Variants in NBL1 observed in about 807,000 individuals in gnomAD.
NBL1 encodes NBL1, DAN family BMP antagonist.
In NBL1, 9 loss-of-function variants were observed where a neutral mutation model predicts 16.0. The ratio of observed to expected loss-of-function variants is 0.56; its 90% CI spans 0.34 to 0.98. The LOEUF (loss-of-function observed/expected upper bound fraction) is 0.98. Ranked by LOEUF, NBL1 falls within the 50% of genes least tolerant of loss-of-function variation. The pLI, the probability that NBL1 is intolerant of heterozygous loss-of-function variation, is 0.02. For synonymous variants in NBL1, 86 were observed against 100.7 expected (o/e 0.85, Z 0.87); for missense variants, 196 against 243.1 (o/e 0.81, Z 1.29).
In NBL1 at chr1:19,657,084, C is replaced by A; in HGVS notation, c.501C>A (p.Asp167Glu). 2 of 1,520,732 alleles carry A rather than the reference C, an allele frequency of 1.3e-6. No individual in the cohort carries two copies. The highest frequency in any genetic ancestry group is 1.8e-6 in the Non-Finnish European group (2 of 1,128,886). 94.2% of individuals were successfully genotyped at this position (1,520,732 alleles called of 1,614,324 possible). The change falls in exon 4 of 4, where the codon GAC becomes GAA. Residue 167 changes from aspartate (D) to glutamate (E), a missense_variant. Transcript: ENST00000375136. ...GCGGGCAGACCCCTGAGCCCGAGGA[C>A]CCCCCTGGGGCCCCCCACACAGAGG... ...HPGGQTPEPE[D>E]PPGAPHTEEE...
chr1:19,647,878 T>TGCGCGC (rs1330457384), intron 1 of NBL1, among the ~76,000 whole-genome samples: 13 of 144,516 alleles, frequency 9.0e-5, no homozygotes, highest in Admixed American at 6.1e-4. Flanking sequence ...TGTGTGTGTG[T>TGCGCGC]GTGTGCGTGT....
chr1:19,655,041 G>A lies in NBL1; in HGVS notation c.11G>A (p.Arg4Gln), dbSNP rs780413916. The change falls in exon 2 of 4, where the codon CGG becomes CAG. Residue 4 changes from arginine (R) to glutamine (Q), a missense_variant. Physicochemically the swap from Arg to Gln is conservative, Grantham distance 43 (BLOSUM62 1). Transcript: ENST00000375136. ...CTGGAGGCCACGGGCATGATGCTTC[G>A]GGTCCTGGTGGGGGCTGTCCTCCCT... is the stretch of plus-strand genomic sequence containing the variant. The part of the protein sequence containing the change: MML[R>Q]VLVGAVLPAM... The A allele has an allele frequency of 1.1e-5, 17 of 1,608,910 alleles. No individual in the cohort carries two copies. In the South Asian group the frequency reaches 1.1e-4, roughly 10 times the overall value.
chr1:19,653,977 T>C (rs2095042291), intron 1 of NBL1, among the ~76,000 whole-genome samples: 1 of 152,134 alleles, frequency 6.6e-6, no homozygotes, highest in Non-Finnish European at 1.5e-5. Flanking sequence ...TTGACTCACG[T>C]GTTAGAATGG....
At chr1:19,644,229 T>C, upstream of NBL1, 1 of 975,932 alleles carries the variant, frequency 1.0e-6, no homozygotes, top group Non-Finnish European at 1.2e-6. The surrounding 1 kb of genome is among the most constrained non-coding windows in gnomAD (Gnocchi z 4.6). Context: ...CCCTCCCCGC[T>C]GCCCCCGCCC....
At chr1:19,647,096 G>C (rs531663542) in intron 1 of NBL1, among the ~76,000 whole-genome samples, 179 of 152,316 alleles carry the variant, frequency 1.2e-3, no homozygotes, top group African/African-American at 4.1e-3. Flanking sequence ...CAGTTTAATT[G>C]TCACAGCTGT....
At position 19,644,755 on chromosome 1, in the gene NBL1, G is replaced by A. The variant is rs1342734416; in HGVS notation, c.-20+309G>A. Among the ~76,000 whole-genome samples, 4 of 151,866 alleles carry A rather than the reference G, an allele frequency of 2.6e-5. No individual in the cohort carries two copies. The highest frequency in any genetic ancestry group is 5.9e-5 in the Non-Finnish European group (4 of 67,914). Reference sequence around the variant, plus strand: ...TTTCCGCGGCCGGGGGAGAGAGGGAGCGAGGGAGGGAGATGCGTGGCCGGG... The same window carrying A: ...TTTCCGCGGCCGGGGGAGAGAGGGAACGAGGGAGGGAGATGCGTGGCCGGG... On this transcript the variant is annotated intron_variant, in intron 1 of 3. Transcript: ENST00000375136. The surrounding 1 kb of genome is among the most constrained non-coding windows in gnomAD (Gnocchi z 4.6).
chr1:19,654,199 C>T (rs1558366077), intron 1 of NBL1, among the ~76,000 whole-genome samples: 2 of 152,234 alleles, frequency 1.3e-5, no homozygotes, highest in South Asian at 4.1e-4. Flanking sequence ...CGCTTGAGCC[C>T]CAGGAGTTTG....
chr1:19,647,249 C>A (rs1028628250), intron 1 of NBL1, among the ~76,000 whole-genome samples: 1 of 152,044 alleles, frequency 6.6e-6, no homozygotes, highest in African/African-American at 2.4e-5. Flanking sequence ...CAAAGGGAGA[C>A]CTTGTCTCTT....
intron 1 of NBL1, among the ~76,000 whole-genome samples, chr1:19,651,839 G>A (rs747875376): frequency 2.0e-5 from 3 of 152,098 alleles, no homozygotes; most frequent in South Asian, 2.1e-4. Flanking sequence ...GACTACAGGT[G>A]CACATCACAA....
intron 1 of NBL1, chr1:19,646,112 C>T (rs982453361): frequency 1.3e-6 from 2 of 1,493,258 alleles, no homozygotes; most frequent in Admixed American, 2.0e-5. Context: ...GCCTGGGTGG[C>T]ACGGGGTCGG....
In NBL1 at chr1:19,657,116, G is replaced by A; in HGVS notation, c.533G>A (p.Gly178Glu). The change falls in exon 4 of 4, where the codon GGG becomes GAG. Residue 178 changes from glycine (G) to glutamate (E), a missense_variant. Transcript: ENST00000375136. The stretch of plus-strand genomic sequence containing the variant: ...GGGGCCCCCCACACAGAGGAAGAGG[G>A]GGCTGAGGACTGAGGCCCCCCCAAC... ...PPGAPHTEEE[G>E]AED The A allele has an allele frequency of 6.9e-7, 1 of 1,454,072 alleles. No homozygotes were observed. The highest frequency in any genetic ancestry group is 1.3e-5 in the South Asian group (1 of 74,964). The allele number at this position is 1,454,072 out of a possible 1,614,324, so 90.1% of individuals were successfully genotyped here.
At chr1:19,654,670 C>T (rs1025928066) in intron 1 of NBL1, among the ~76,000 whole-genome samples, 1 of 152,042 alleles carries the variant, frequency 6.6e-6, no homozygotes, top group Non-Finnish European at 1.5e-5. Flanking sequence ...ACCATCTCCC[C>T]TTTTTAGATG....
intron 1 of NBL1, among the ~76,000 whole-genome samples, chr1:19,649,214 C>G (rs941957382): frequency 3.3e-5 from 5 of 152,070 alleles, no homozygotes; most frequent in Non-Finnish European, 7.4e-5. Context: ...TTCTTGGCCT[C>G]TCTGTGCCTC....
At chr1:19,648,659 G>T (rs1158469884) in intron 1 of NBL1, among the ~76,000 whole-genome samples, 5 of 152,124 alleles carry the variant, frequency 3.3e-5, no homozygotes, top group African/African-American at 1.2e-4. Flanking sequence ...GTGCCAAAAT[G>T]GGTCTGCTGT....
chr1:19,650,411 G>C (rs1349488714), intron 1 of NBL1, among the ~76,000 whole-genome samples: 3 of 152,206 alleles, frequency 2.0e-5, no homozygotes, highest in Non-Finnish European at 4.4e-5. Context: ...CTCCCCTCAG[G>C]GGAGTGTCTG....
chr1:19,645,004 C>T (rs754493530), intron 1 of NBL1, among the ~76,000 whole-genome samples: 171 of 152,326 alleles, frequency 1.1e-3, no homozygotes, highest in Non-Finnish European at 2.1e-3. Context: ...GTGTCTCTGC[C>T]TCTGGCTTTT....
intron 1 of NBL1, among the ~76,000 whole-genome samples, chr1:19,653,083 C>G (rs948927303): frequency 6.6e-6 from 1 of 151,486 alleles, no homozygotes; most frequent in Admixed American, 6.6e-5. Context: ...GTCAGGAGAT[C>G]GAGACCATCC....
chr1:19,651,349 C>G (rs1570558923), intron 1 of NBL1, among the ~76,000 whole-genome samples: 1 of 152,204 alleles, frequency 6.6e-6, no homozygotes, highest in Non-Finnish European at 1.5e-5. Context: ...TCTGTGGACA[C>G]AGCTGGCCCT....
chr1:19,649,561 G>C (rs2095009801), intron 1 of NBL1, among the ~76,000 whole-genome samples: 1 of 151,822 alleles, frequency 6.6e-6, no homozygotes, highest in Non-Finnish European at 1.5e-5. Flanking sequence ...GTTTCGCCAT[G>C]TTGGCCAGGC....
Sources: gnomAD v4.1 joint callset for allele counts (sites outside exome capture counted in the v4.1 genomes callset) on GRCh38, gnomAD v4.1.1 for gene constraint, Gnocchi (gnomAD v3.1) non-coding constraint, MANE v1.5 for transcripts, NCBI Gene and HGNC (gene_info 2026-07-23, HGNC 2026-07-21) for gene names.